Variants in ULK4 observed in about 807,000 individuals in gnomAD.
ULK4 encodes unc-51 like kinase 4.
ULK4 carries 133 observed loss-of-function variants against 160.6 expected under a neutral mutation model. That is an observed-to-expected ratio of 0.83 (90% CI 0.72 to 0.96). The LOEUF (loss-of-function observed/expected upper bound fraction) is 0.96, where lower values mean the gene tolerates loss of function less well. Ranked by LOEUF, ULK4 falls within the 40% of genes least tolerant of loss-of-function variation. ULK4 has a pLI of 0.00. For missense variants in ULK4, 1,580 were observed against 1,499.5 expected (o/e 1.05, Z -0.89); for synonymous variants, 534 against 539.8 (o/e 0.99, Z 0.15).
chr3:41,580,167 G>A (rs2030169749), intron 31 of ULK4, among the ~76,000 whole-genome samples: 1 of 152,160 alleles, frequency 6.6e-6, no homozygotes, highest in Admixed American at 6.5e-5. Context: ...TTCTGCCGCT[G>A]TGCATGACAA....
chr3:41,408,981 A>T (rs995745234), intron 34 of ULK4, among the ~76,000 whole-genome samples: 6 of 152,280 alleles, frequency 3.9e-5, no homozygotes, highest in African/African-American at 1.4e-4. Flanking sequence ...TGTAAGAGCT[A>T]AATGCAGCTG....
At chr3:41,748,292 T>TAC (rs943219357) in intron 22 of ULK4, among the ~76,000 whole-genome samples, 1 of 150,864 alleles carries the variant, frequency 6.6e-6, no homozygotes, top group Non-Finnish European at 1.5e-5. Flanking sequence ...ATTATATATA[T>TAC]ACACACACAC....
chr3:41,300,077 A>C (rs2079752265), intron 35 of ULK4, among the ~76,000 whole-genome samples: 1 of 152,204 alleles, frequency 6.6e-6, no homozygotes, highest in South Asian at 2.1e-4. Flanking sequence ...GAAGAGCACC[A>C]GTTTCATCAC....
At chr3:41,944,279 G>C (rs1027591631) in intron 2 of ULK4, among the ~76,000 whole-genome samples, 1 of 152,216 alleles carries the variant, frequency 6.6e-6, no homozygotes, top group Non-Finnish European at 1.5e-5. Flanking sequence ...TGCAAGTGCA[G>C]TTTCCTTTAC....
At chr3:41,646,288 C>G (rs1348262757) in intron 30 of ULK4, among the ~76,000 whole-genome samples, 2 of 152,208 alleles carry the variant, frequency 1.3e-5, no homozygotes, top group Non-Finnish European at 2.9e-5. Context: ...TTCCTAGTCT[C>G]AATGATCTTT....
chr3:41,812,290 CA>C (rs1220164345), intron 19 of ULK4, among the ~76,000 whole-genome samples: 1 of 151,922 alleles, frequency 6.6e-6, no homozygotes, highest in Non-Finnish European at 1.5e-5. Flanking sequence ...GTCTCAAAAA[CA>C]AACAAAACAA....
intron 22 of ULK4, among the ~76,000 whole-genome samples, chr3:41,732,286 A>G (rs1047787716): frequency 2.6e-5 from 4 of 152,098 alleles, no homozygotes; most frequent in Admixed American, 2.0e-4. Flanking sequence ...AGAAAAAAAA[A>G]TCTGCTAAGA....
intron 33 of ULK4, among the ~76,000 whole-genome samples, chr3:41,455,964 C>T (rs183160575): frequency 6.6e-6 from 1 of 152,200 alleles, no homozygotes; most frequent in African/African-American, 2.4e-5. Context: ...GGCTGTTGTG[C>T]AGTGGCACAA....
chr3:41,330,539 C>T (rs565518950), intron 35 of ULK4, among the ~76,000 whole-genome samples: 56 of 152,306 alleles, frequency 3.7e-4, no homozygotes, highest in African/African-American at 1.1e-3. Flanking sequence ...CCATCAATGA[C>T]GCTGTAAGAA....
rs1193445417 is a variant in ULK4, at chr3:41,300,844, T to C, written c.3679-51270A>G. ...TTTTGATCATTTTACAGATTATATA[T>C]ATATATATATATATATATATATATA... On this transcript the variant is annotated intron_variant, in intron 35 of 36. Coordinates refer to ENST00000301831, the MANE Select transcript of ULK4 (RefSeq NM_017886.4). Among the ~76,000 whole-genome samples the C allele has an allele frequency of 2.4e-4, 11 of 46,054 alleles. 1 individual carries two copies. The highest frequency in any genetic ancestry group is 1.0e-3 in the African/African-American group (11 of 10,778). 30.2% of individuals were successfully genotyped at this position (46,054 alleles called of 152,430 possible).
rs2038296139 is a variant in ULK4 at position 41,743,054 on chromosome 3, T to C, written c.2321+11307A>G. Among the ~76,000 whole-genome samples, 3 of 151,832 alleles carry C rather than the reference T, an allele frequency of 2.0e-5. 1 individual carries two copies. The highest frequency in any genetic ancestry group is 7.3e-5 in the African/African-American group (3 of 41,186). On this transcript the variant is annotated intron_variant, in intron 22 of 36. Coordinates refer to ENST00000301831, the MANE Select transcript of ULK4 (RefSeq NM_017886.4). ...GAGAGAAAATGGGACTGAACAAGTA[T>C]TCAAAGAAATCATGCCCAAAAAATA...
chr3:41,482,950 A>G (rs569222322), intron 32 of ULK4, among the ~76,000 whole-genome samples: 47 of 152,302 alleles, frequency 3.1e-4, no homozygotes, highest in African/African-American at 1.1e-3. Flanking sequence ...CATCTGATGT[A>G]TAATAATCAC....
intron 19 of ULK4, among the ~76,000 whole-genome samples, chr3:41,811,183 G>A (rs1462316611): frequency 6.6e-6 from 1 of 151,684 alleles, no homozygotes; most frequent in Non-Finnish European, 1.5e-5. Context: ...CACTGCACCT[G>A]GCCTTTATTT....
Position 41,246,855 on chromosome 3 carries a change from G to T in ULK4, c.*74C>A. The T allele has an allele frequency of 6.5e-7, 1 of 1,544,674 alleles. No homozygotes were observed. The highest frequency in any genetic ancestry group is 2.3e-5 in the East Asian group (1 of 43,280). ...AGCTGTGAGGGGATGTGGCAAAGGT[G>T]TCTGGGAGCTGACCTTGCTTATGCA... is the stretch of plus-strand genomic sequence containing the variant. On this transcript the variant is annotated 3_prime_UTR_variant, in exon 37 of 37. Transcript: ENST00000301831.
At chr3:41,906,327 C>A (rs187603170) in intron 12 of ULK4, among the ~76,000 whole-genome samples, 47 of 151,098 alleles carry the variant, frequency 3.1e-4, no homozygotes, top group Middle Eastern at 3.4e-3. Context: ...GAGTTTGAGA[C>A]CAGCTTACGC....
At chr3:41,492,954 C>T (rs368187683) in intron 32 of ULK4, among the ~76,000 whole-genome samples, 16,695 of 142,392 alleles carry the variant, frequency 0.12, 1,195 homozygotes, top group Admixed American at 0.17. Flanking sequence ...TACAAAGAGA[C>T]TTAGACTCCC....
At chr3:41,622,348 C>G (rs980274339) in intron 30 of ULK4, among the ~76,000 whole-genome samples, 1 of 152,146 alleles carries the variant, frequency 6.6e-6, no homozygotes. Flanking sequence ...TTGAAACCAA[C>G]CCAAATGCCC....
chr3:41,939,595 T>A (rs952241672), intron 2 of ULK4, among the ~76,000 whole-genome samples: 2 of 152,108 alleles, frequency 1.3e-5, no homozygotes, highest in Non-Finnish European at 2.9e-5. Flanking sequence ...TTCTACAATC[T>A]ACTTTTAAAA....
At chr3:41,593,867 C>CA (rs143307855) in intron 31 of ULK4, among the ~76,000 whole-genome samples, 6,546 of 151,224 alleles carry the variant, frequency 0.043, 478 homozygotes, top group African/African-American at 0.15. Flanking sequence ...CCTGTCTCTA[C>CA]AAAAAATATA....
Sources: allele counts gnomAD v4.1 joint callset (sites outside exome capture counted in the v4.1 genomes callset), GRCh38; gene constraint gnomAD v4.1.1; transcripts MANE v1.5; gene names NCBI Gene and HGNC (gene_info 2026-07-23, HGNC 2026-07-21).